The following TWIST2 variants were observed in gnomAD, a reference collection of about 807,000 sequenced individuals.
TWIST2 encodes the protein twist-related protein 2.
In TWIST2, 1 loss-of-function variant was observed where a neutral mutation model predicts 11.6. That is an observed-to-expected ratio of 0.09 (90% CI 0.03 to 0.41). TWIST2 has a LOEUF of 0.41. Among genes scored for constraint, TWIST2 ranks in the 10% least tolerant of loss-of-function variants. The pLI is 0.98. For synonymous variants in TWIST2, 87 were observed against 96.6 expected (o/e 0.90, Z 0.58); for missense variants, 168 against 226.4 (o/e 0.74, Z 1.66).
chr2:238,897,751 G>C (rs912357827), intron 1 of TWIST2, among the ~76,000 whole-genome samples: 61 of 152,322 alleles, frequency 4.0e-4, no homozygotes, highest in African/African-American at 1.4e-3. Flanking sequence ...GGTGGAGGTG[G>C]CCAGCTTCAT....
At chr2:238,893,569 G>A (rs1402152261) in intron 1 of TWIST2, among the ~76,000 whole-genome samples, 3 of 152,044 alleles carry the variant, frequency 2.0e-5, no homozygotes, top group African/African-American at 7.2e-5. Context: ...TTGTTCCTCC[G>A]CTCTCTGAGC....
At chr2:238,891,919 G>T (rs539067784) in intron 1 of TWIST2, among the ~76,000 whole-genome samples, 4 of 152,162 alleles carry the variant, frequency 2.6e-5, no homozygotes, top group Non-Finnish European at 5.9e-5. Flanking sequence ...GGCTATGTAG[G>T]ACAAGCTGTA....
intron 1 of TWIST2, among the ~76,000 whole-genome samples, chr2:238,905,951 GTGTGTA>G (rs1693345198): frequency 8.8e-6 from 1 of 113,956 alleles, no homozygotes; most frequent in Non-Finnish European, 2.0e-5. Flanking sequence ...GTGCGCGCGC[GTGTGTA>G]CGTGTGCGTG....
At chr2:238,891,323 G>A (rs35433309) in intron 1 of TWIST2, among the ~76,000 whole-genome samples, 18,846 of 152,238 alleles carry the variant, frequency 0.12, 1,594 homozygotes, top group Middle Eastern at 0.21. Context: ...CGGCCTTCAG[G>A]CCCAGCGCCC....
chr2:238,878,485 G>A (rs752046941), intron 1 of TWIST2, among the ~76,000 whole-genome samples: 1 of 152,166 alleles, frequency 6.6e-6, no homozygotes, highest in Non-Finnish European at 1.5e-5. Flanking sequence ...TAAGGCCATG[G>A]GAATCTGCAG....
intron 1 of TWIST2, among the ~76,000 whole-genome samples, chr2:238,870,173 ACCCC>A (rs1692628676): frequency 3.1e-5 from 2 of 63,990 alleles, no homozygotes; most frequent in Non-Finnish European, 5.9e-5. Flanking sequence ...CACACCACAC[ACCCC>A]ACACACACAT....
At chr2:238,892,392 G>T (rs1693151871) in intron 1 of TWIST2, among the ~76,000 whole-genome samples, 1 of 152,260 alleles carries the variant, frequency 6.6e-6, no homozygotes, top group Admixed American at 6.5e-5. Context: ...ACCTTCCCCA[G>T]TCGCCTGTCC....
intron 1 of TWIST2, among the ~76,000 whole-genome samples, chr2:238,857,212 C>T (rs921929181): frequency 3.9e-5 from 6 of 152,094 alleles, no homozygotes; most frequent in African/African-American, 9.7e-5. Context: ...AGAGGAAGGA[C>T]GCTGCTGGCT....
chr2:238,885,557 G>A (rs1322564787), intron 1 of TWIST2, among the ~76,000 whole-genome samples: 1 of 152,118 alleles, frequency 6.6e-6, no homozygotes, highest in Non-Finnish European at 1.5e-5. Flanking sequence ...GTGGGTGTTT[G>A]GTGCCTGTGA....
intron 1 of TWIST2, among the ~76,000 whole-genome samples, chr2:238,895,937 T>C (rs1027165681): frequency 0.011 from 1,690 of 152,330 alleles, 36 homozygotes; most frequent in African/African-American, 0.038. Flanking sequence ...ACAGTCAGCC[T>C]GGGTCCCTGA....
At chr2:238,879,033 C>G (rs890322717) in intron 1 of TWIST2, among the ~76,000 whole-genome samples, 3 of 152,162 alleles carry the variant, frequency 2.0e-5, no homozygotes, top group Non-Finnish European at 4.4e-5. Context: ...TGTATAATAC[C>G]ATGTCGCATG....
chr2:238,905,904 CGTGTGTGTGCGTGCAGGTGTGCGTGT>C (rs1693339229), intron 1 of TWIST2, among the ~76,000 whole-genome samples: 2 of 144,156 alleles, frequency 1.4e-5, no homozygotes, highest in African/African-American at 2.7e-5. Context: ...CGCGTGTGTG[CGTGTGTGTGCGTGCAGGTGTGCGTGT>C]GCGCGTGTGT....
At chr2:238,859,141 G>A (rs868203889) in intron 1 of TWIST2, among the ~76,000 whole-genome samples, 8 of 151,384 alleles carry the variant, frequency 5.3e-5, no homozygotes, top group Middle Eastern at 3.4e-3. Flanking sequence ...GAACCTGGGA[G>A]GCAGAGGTTG....
chr2:238,892,973 A>T (rs1693163963), intron 1 of TWIST2, among the ~76,000 whole-genome samples: 1 of 152,230 alleles, frequency 6.6e-6, no homozygotes, highest in Non-Finnish European at 1.5e-5. Flanking sequence ...AACTGAGTCC[A>T]GAGCTTGGGA....
chr2:238,870,507 T>C (rs1167784763), intron 1 of TWIST2, among the ~76,000 whole-genome samples: 3 of 51,118 alleles, frequency 5.9e-5, no homozygotes, highest in East Asian at 6.7e-4. Context: ...CACGCACACA[T>C]CACATACCAC....
chr2:238,885,113 T>C (rs1693009713), intron 1 of TWIST2, among the ~76,000 whole-genome samples: 1 of 152,310 alleles, frequency 6.6e-6, no homozygotes, highest in African/African-American at 2.4e-5. Flanking sequence ...CCCTCCCAGA[T>C]TGTGCAGATG....
intron 1 of TWIST2, among the ~76,000 whole-genome samples, chr2:238,902,617 G>A (rs1484439742): frequency 6.7e-6 from 1 of 148,736 alleles, no homozygotes; most frequent in Non-Finnish European, 1.5e-5. Flanking sequence ...AGTTGTGCAT[G>A]ATGTGAGGTG....
chr2:238,905,936 T>C lies in TWIST2; in HGVS notation c.*36-3906T>C, dbSNP rs1449014654. 1.6e-3 allele frequency among the ~76,000 whole-genome samples: 184 copies of C among 112,354 alleles called. 1 individual carries two copies. The East Asian group carries it at 0.023, about 14-fold the overall frequency. 73.7% of individuals were successfully genotyped at this position (112,354 alleles called of 152,430 possible). ...GTGCGTGCAGGTGTGCGTGTGCGCG[T>C]GTGTGTGCGCGCGCGTGTGTACGTG... On this transcript the variant is annotated intron_variant, in intron 1 of 1. Coordinates refer to ENST00000612363, the MANE Select transcript of TWIST2 (RefSeq NM_001271893.4).
chr2:238,891,552 G>A (rs914476333), intron 1 of TWIST2, among the ~76,000 whole-genome samples: 1 of 152,172 alleles, frequency 6.6e-6, no homozygotes, highest in Non-Finnish European at 1.5e-5. Flanking sequence ...GTGAGAGGAC[G>A]GTCTGGCAAA....
Sources: gnomAD v4.1 joint callset for allele counts (sites outside exome capture counted in the v4.1 genomes callset) on GRCh38, gnomAD v4.1.1 for gene constraint, MANE v1.5 for transcripts, NCBI Gene and HGNC (gene_info 2026-07-23, HGNC 2026-07-21) for gene names.